Variants in PCDH11X observed in about 807,000 individuals in gnomAD.
PCDH11X encodes protocadherin 11 X-linked.
In PCDH11X, 18 loss-of-function variants were observed where a neutral mutation model predicts 53.3. The observed-to-expected ratio is 0.34, with a 90% CI of 0.23 to 0.50. The LOEUF (loss-of-function observed/expected upper bound fraction) is 0.50. PCDH11X is among the 20% of genes least tolerant of loss of function. The pLI, the probability that PCDH11X is intolerant of heterozygous loss-of-function variation, is 0.98. For synonymous variants in PCDH11X, 279 were observed against 393.3 expected (o/e 0.71, Z 3.44); for missense variants, 570 against 1,032.4 (o/e 0.55, Z 6.14).
intron 6 of PCDH11X, among the ~76,000 whole-genome samples, chrX:92,019,316 C>A (rs1423548685): frequency 2.2e-4 from 24 of 109,350 alleles, no homozygotes; most frequent in African/African-American, 8.0e-4. Context: ...TGAGGCAGAA[C>A]ATTTGCAAAG....
intron 1 of PCDH11X, among the ~76,000 whole-genome samples, chrX:91,799,582 C>A (rs1263748969): frequency 8.9e-6 from 1 of 112,074 alleles, no homozygotes; most frequent in Non-Finnish European, 1.9e-5. Flanking sequence ...AATAATGACT[C>A]TTTAACAACT....
At position 92,622,847 on chromosome X, in the gene PCDH11X, C is replaced by CA. The variant is rs1207310540; in HGVS notation, c.*3914dup. 1 of 109,335 alleles carries CA rather than the reference C, an allele frequency of 9.1e-6. No individual in the cohort carries two copies. The highest frequency in any genetic ancestry group is 2.9e-4 in the East Asian group (1 of 3,508). The allele number at this position is 109,335 out of a possible 1,213,427, so 9.0% of individuals were successfully genotyped here. A position where few individuals can be genotyped will look rare whatever the true frequency, so the allele number is the denominator to read the frequency against. Reference sequence around the variant, plus strand: ...AAGTTGACAACAGCAGAAACAGTAACAAAAAAATCTGCTCAGAAAAATGTA... The same window carrying CA: ...AAGTTGACAACAGCAGAAACAGTAACAAAAAAAATCTGCTCAGAAAAATGTA... On this transcript the variant is annotated 3_prime_UTR_variant, in exon 11 of 11. Transcript: ENST00000682573.
chrX:92,458,535 A>G (rs1459844675), intron 9 of PCDH11X, among the ~76,000 whole-genome samples: 2 of 111,038 alleles, frequency 1.8e-5, no homozygotes, highest in Non-Finnish European at 3.8e-5. Context: ...TGTCTCCTCT[A>G]TGCTTTCCAG....
chrX:91,931,355 C>A (rs1288500115), intron 6 of PCDH11X, among the ~76,000 whole-genome samples: 2 of 110,870 alleles, frequency 1.8e-5, no homozygotes, highest in Non-Finnish European at 3.8e-5. Context: ...TGAAAATAGT[C>A]TGCTAATGTA....
chrX:92,188,976 T>G (rs1436221127), intron 6 of PCDH11X, among the ~76,000 whole-genome samples: 1 of 111,760 alleles, frequency 8.9e-6, no homozygotes, highest in Non-Finnish European at 1.9e-5. Context: ...GCCATAAATG[T>G]AAGCAAAGTT....
chrX:91,956,579 C>T (rs946210962), intron 6 of PCDH11X, among the ~76,000 whole-genome samples: 5 of 107,489 alleles, frequency 4.7e-5, no homozygotes, highest in African/African-American at 1.7e-4. Flanking sequence ...TGAATATTAG[C>T]CCCCAATCTC....
intron 7 of PCDH11X, among the ~76,000 whole-genome samples, chrX:92,260,232 G>C (rs773283215): frequency 9.0e-6 from 1 of 111,546 alleles, no homozygotes; most frequent in African/African-American, 3.3e-5. Context: ...GAGTGCTGTA[G>C]CCATAGGTGG....
In PCDH11X at chrX:92,230,284, G is replaced by T. The variant is rs531928229; in HGVS notation, c.3114+28829G>T. 3.3e-4 allele frequency among the ~76,000 whole-genome samples: 34 copies of T among 104,250 alleles called. No individual in the cohort carries two copies. The South Asian group carries it at 0.013, about 41-fold the overall frequency. The allele number at this position is 104,250 out of a possible 115,157, so 90.5% of individuals were successfully genotyped here. On this transcript the variant is annotated intron_variant, in intron 7 of 10. Coordinates refer to ENST00000682573, the MANE Select transcript of PCDH11X (RefSeq NM_032968.5). ...TCATATAATTTGTATAACACATGAA[G>T]TAAAAAAAAAGTTTTAAGTCAGTTT...
At chrX:92,236,976 T>G (rs747619475) in intron 7 of PCDH11X, among the ~76,000 whole-genome samples, 13 of 111,003 alleles carry the variant, frequency 1.2e-4, no homozygotes, top group Non-Finnish European at 2.5e-4. Flanking sequence ...TTTTGCCAAG[T>G]AAATCAAAAT....
At position 92,484,137 on chromosome X, in the gene PCDH11X, G is replaced by GTATA. The variant is rs200547226; in HGVS notation, c.3367+15818_3367+15819insATAT. 8.1e-4 allele frequency among the ~76,000 whole-genome samples: 35 copies of GTATA among 42,947 alleles called. 2 individuals carry two copies. In the East Asian group the frequency reaches 0.06, roughly 74 times the overall value. 37.3% of individuals were successfully genotyped at this position (42,947 alleles called of 115,157 possible). A position where few individuals can be genotyped will look rare whatever the true frequency, so the allele number is the denominator to read the frequency against. On this transcript the variant is annotated intron_variant, in intron 10 of 10. Coordinates refer to ENST00000682573, the MANE Select transcript of PCDH11X (RefSeq NM_032968.5). ...ATATATAGTATATATATGTATATAT[G>GTATA]TATGTATATATATGTATATATGTAT...
At chrX:91,950,544 GTATA>G (rs377503795) in intron 6 of PCDH11X, among the ~76,000 whole-genome samples, 18 of 91,407 alleles carry the variant, frequency 2.0e-4, no homozygotes, top group Admixed American at 2.4e-4. Context: ...TATCAATGTG[GTATA>G]TATATATATA....
chrX:92,194,737 T>C (rs2066264767), intron 6 of PCDH11X, among the ~76,000 whole-genome samples: 1 of 109,669 alleles, frequency 9.1e-6, no homozygotes, highest in South Asian at 3.9e-4. Flanking sequence ...GGGCAGGCCA[T>C]CTCATAGAGA....
intron 6 of PCDH11X, among the ~76,000 whole-genome samples, chrX:92,014,055 C>T (rs1280603329): frequency 2.7e-5 from 3 of 111,731 alleles, no homozygotes; most frequent in Non-Finnish European, 5.6e-5. Flanking sequence ...AACTGAAGAA[C>T]TTCTGCACAG....
chrX:92,242,386 T>C (rs910103347), intron 7 of PCDH11X, among the ~76,000 whole-genome samples: 7 of 110,975 alleles, frequency 6.3e-5, no homozygotes, highest in African/African-American at 2.3e-4. Context: ...TATGTAACAT[T>C]TTGGGATCGG....
At chrX:92,220,310 G>A in intron 7 of PCDH11X, among the ~76,000 whole-genome samples, 1 of 83,159 alleles carries the variant, frequency 1.2e-5, no homozygotes, top group South Asian at 7.5e-4. Context: ...CTGACAAAGG[G>A]CTAATATCTA....
chrX:91,784,344 G>A (rs1280390195), intron 1 of PCDH11X, among the ~76,000 whole-genome samples: 7 of 112,108 alleles, frequency 6.2e-5, no homozygotes, highest in African/African-American at 2.3e-4. Flanking sequence ...AGGGCCTAAA[G>A]CTAATCAGTA....
chrX:92,576,011 T>TATAC lies in PCDH11X; in HGVS notation c.3368-42252_3368-42251insTACA, dbSNP rs1376237034. ...ATATATATATATATATATATATATA[T>TATAC]ACACACACACACACACACACACACA... On this transcript the variant is annotated intron_variant, in intron 10 of 10. Transcript: ENST00000682573. Among the ~76,000 whole-genome samples the TATAC allele has an allele frequency of 8.0e-3, 225 of 28,075 alleles. 9 individuals carry two copies. Among genetic ancestry groups the TATAC allele is most frequent in the South Asian group, 0.018 (10 of 555 alleles). 24.4% of individuals were successfully genotyped at this position (28,075 alleles called of 115,157 possible). A position where few individuals can be genotyped will look rare whatever the true frequency, so the allele number is the denominator to read the frequency against.
chrX:92,301,613 C>T (rs987959423), intron 8 of PCDH11X, among the ~76,000 whole-genome samples: 6 of 110,132 alleles, frequency 5.4e-5, no homozygotes, highest in East Asian at 2.9e-4. Context: ...TTCAATGCAT[C>T]CCTTTCCTAG....
At chrX:92,139,984 T>G (rs1190620528) in intron 6 of PCDH11X, among the ~76,000 whole-genome samples, 25 of 109,139 alleles carry the variant, frequency 2.3e-4, no homozygotes, top group Admixed American at 2.3e-3. Flanking sequence ...ATTCTTCCTT[T>G]TTTTTTTTTA....
Sources: gnomAD v4.1 joint callset for allele counts (sites outside exome capture counted in the v4.1 genomes callset) on GRCh38, gnomAD v4.1.1 for gene constraint, MANE v1.5 for transcripts, NCBI Gene and HGNC (gene_info 2026-07-23, HGNC 2026-07-21) for gene names.